COL6A3: variants seen among roughly 807,000 people sequenced by gnomAD.
The protein encoded by COL6A3 is collagen type VI alpha 3 chain, also known as collagen alpha-3(VI) chain.
A neutral mutation model predicts 274.1 loss-of-function variants in COL6A3; 137 were observed. That is an observed-to-expected ratio of 0.50 (90% CI 0.44 to 0.58). COL6A3 has a LOEUF of 0.58. Ranked by LOEUF, COL6A3 falls within the 20% of genes least tolerant of loss-of-function variation. The pLI is 0.00. For missense variants in COL6A3, 3,950 were observed against 4,124.9 expected, an observed-to-expected ratio of 0.96 and a Z score of 1.16; for synonymous variants, 1,650 against 1,650.6, an observed-to-expected ratio of 1.00 and a Z score of 0.01.
At position 237,361,122 on chromosome 2, in the gene COL6A3, G is replaced by A. The variant is rs767660192; in HGVS notation, c.6209C>T (p.Pro2070Leu). The A allele has an allele frequency of 6.2e-7, 1 of 1,613,870 alleles. No homozygotes were observed. The highest frequency in any genetic ancestry group is 8.5e-7 in the Non-Finnish European group (1 of 1,179,826). ...GGGACTAAAACAATTTTTACTTACG[G>A]GTCCACCCTCATCACCAGGATAGCC... ...YRGYPGDEGG[P>L]GERGPPGVNG... is the part of the protein sequence containing the mutation. Residue 2070 changes from proline to leucine, a missense_variant and splice_region_variant, in exon 16 of 44, where the codon CCC becomes CTC. Coordinates refer to ENST00000295550, the MANE Select transcript of COL6A3 (RefSeq NM_004369.4). The surrounding 1 kb of genome is among the most constrained non-coding windows in gnomAD (Gnocchi z 5.1).
intron 26 of COL6A3, among the ~76,000 whole-genome samples, chr2:237,351,981 C>T (rs921884654): frequency 5.3e-5 from 8 of 152,180 alleles, no homozygotes; most frequent in Middle Eastern, 3.2e-3. Flanking sequence ...GAGGGAAACC[C>T]GAATACGTAA....
In COL6A3 at chr2:237,363,550, T is replaced by G. The variant is rs2077484985; in HGVS notation, c.5918-152A>C. 3.5e-6 allele frequency: 3 copies of G among 857,324 alleles called. No homozygotes were observed. The African/African-American group carries it at 5.1e-5, about 15-fold the overall frequency. 53.1% of individuals were successfully genotyped at this position (857,324 alleles called of 1,614,324 possible). On this transcript the variant is annotated intron_variant, in intron 13 of 43. Transcript: ENST00000295550. ...ATCAAGTTTACTGGCTACTCTGAAT[T>G]GTTGAAATACTCAAACTTTGGACTC...
chr2:237,381,700 C>T (rs181855465), intron 4 of COL6A3, among the ~76,000 whole-genome samples: 1 of 152,344 alleles, frequency 6.6e-6, no homozygotes, highest in African/African-American at 2.4e-5. Flanking sequence ...AAAGCTGGCT[C>T]ACCTTCCACC....
Position 237,333,654 on chromosome 2 carries a change from T to C in COL6A3, c.9230-106A>G, listed in dbSNP as rs568227572. ...TGCCTGCTGTGATTAATGTCTTATG[T>C]TGGGGAGTGGTGATTGAAAGACACA... On this transcript the variant is annotated intron_variant, in intron 41 of 43. Transcript: ENST00000295550. 18 of 935,432 alleles carry C rather than the reference T, an allele frequency of 1.9e-5. No individual in the cohort carries two copies. The Admixed American group carries it at 3.2e-4, about 16-fold the overall frequency. 57.9% of individuals were successfully genotyped at this position (935,432 alleles called of 1,614,324 possible).
In COL6A3 at chr2:237,334,656, T is replaced by C. The variant is rs759402998; in HGVS notation, c.9199A>G (p.Arg3067Gly). ...AVVCYLRSQV[R>G]ATYHGSFSTK... ...CTGAAACTTCCGTGGTAGGTGGCTCTGACCTGAGACCTCAGGTAGCAGACC... is the reference window on the plus strand; with the variant it reads ...CTGAAACTTCCGTGGTAGGTGGCTCCGACCTGAGACCTCAGGTAGCAGACC... The change falls in exon 41 of 44, where the codon AGA becomes GGA. Residue 3067 changes from arginine (R) to glycine (G), a missense_variant. By Grantham distance (125) the Arg-to-Gly change is moderately radical. Coordinates refer to ENST00000295550, the MANE Select transcript of COL6A3 (RefSeq NM_004369.4). 1.1e-5 allele frequency: 17 copies of C among 1,613,674 alleles called. No homozygotes were observed. In the South Asian group the frequency reaches 1.9e-4, roughly 18 times the overall value.
Position 237,367,326 on chromosome 2 carries a change from T to G in COL6A3, c.4901-40A>C, listed in dbSNP as rs567274221. 9.4e-6 allele frequency: 15 copies of G among 1,591,134 alleles called. No homozygotes were observed. In the East Asian group the frequency reaches 2.7e-4, roughly 28 times the overall value. ...AGTGAAAATAAGGAGAGATTAGGTT[T>G]CCAGACCCAGAACATAAATACACAA... is the stretch of plus-strand genomic sequence containing the variant. On this transcript the variant is annotated intron_variant, in intron 10 of 43. Coordinates refer to ENST00000295550, the MANE Select transcript of COL6A3 (RefSeq NM_004369.4).
rs772362589 is a variant in COL6A3, at chr2:237,394,609, C to T, written c.687G>A (p.Thr229=). The T allele has an allele frequency of 6.8e-6, 11 of 1,614,112 alleles. No individual in the cohort carries two copies. Among genetic ancestry groups the T allele is most frequent in the African/African-American group, 1.3e-5 (1 of 75,048 alleles). ...SSVSPERAGD[T]ETLKDITAQD... Reference sequence around the variant, plus strand: ...TACCTGTGATGTCTTTAAGGGTTTCCGTGTCCCCAGCCCTTTCTGGACTCA... The same window carrying T: ...TACCTGTGATGTCTTTAAGGGTTTCTGTGTCCCCAGCCCTTTCTGGACTCA... Residue 229 remains threonine, a synonymous_variant, in exon 3 of 44, where the codon ACG becomes ACA. Coordinates refer to ENST00000295550, the MANE Select transcript of COL6A3 (RefSeq NM_004369.4).
At chr2:237,408,861 G>A (rs767444300) in intron 1 of COL6A3, among the ~76,000 whole-genome samples, 4 of 152,186 alleles carry the variant, frequency 2.6e-5, no homozygotes, top group South Asian at 2.1e-4. Flanking sequence ...AGAACTTTTC[G>A]TATTTGTTTT....
At chr2:237,341,966 A>G in intron 37 of COL6A3, 99 bp downstream of exon 37, 2 of 1,008,102 alleles carry the variant, frequency 2.0e-6, no homozygotes, top group South Asian at 2.7e-5. Flanking sequence ...ATTGAACTCA[A>G]GCTCTTTTTA....
intron 3 of COL6A3, 87 bp downstream of exon 3, chr2:237,394,499 TC>T (rs1442582348): frequency 6.4e-7 from 1 of 1,561,316 alleles, no homozygotes; most frequent in Non-Finnish European, 8.8e-7. Context: ...CCACCCGCCA[TC>T]CTAGCTGTTG....
chr2:237,346,479 G>T, intron 32 of COL6A3, 24 bp downstream of exon 32: 1 of 1,612,020 alleles, frequency 6.2e-7, no homozygotes, highest in South Asian at 1.1e-5. Context: ...CAGGTGGCCG[G>T]GTCAGAACTG....
chr2:237,377,068 C>T lies in COL6A3; in HGVS notation c.2774G>A (p.Arg925Lys), dbSNP rs372127270. 1 of 1,614,212 alleles carries T rather than the reference C, an allele frequency of 6.2e-7. No homozygotes were observed. The highest frequency in any genetic ancestry group is 8.5e-7 in the Non-Finnish European group (1 of 1,180,042). ...NLGYALDYAQ[R>K]YIFVKSAGSR... is the part of the protein sequence containing the mutation. ...GCCAGCAGACTTCACAAAAATGTAC[C>T]TCTGTGCATAGTCCAGCGCGTAGCC... The change falls in exon 7 of 44, where the codon AGG becomes AAG. Residue 925 changes from arginine to lysine, a missense_variant. Physicochemically the swap from Arg to Lys is conservative, Grantham distance 26. Transcript: ENST00000295550.
At chr2:237,352,951 G>A (rs971376400) in intron 25 of COL6A3, among the ~76,000 whole-genome samples, 1 of 152,204 alleles carries the variant, frequency 6.6e-6, no homozygotes, top group Non-Finnish European at 1.5e-5. Flanking sequence ...ATCATGTAAA[G>A]GAATGAAGTG....
chr2:237,387,168 G>C lies in COL6A3; in HGVS notation c.1312+414C>G, dbSNP rs1302774323. ...GCTTTTGGAAAGATACTCTGTCTAT[G>C]AGCACACTTCTAACACTGACTTTTA... On this transcript the variant is annotated intron_variant, in intron 4 of 43. Transcript: ENST00000295550. Among the ~76,000 whole-genome samples, 5 of 152,284 alleles carry C rather than the reference G, an allele frequency of 3.3e-5. No homozygotes were observed. In the East Asian group the frequency reaches 9.6e-4, roughly 29 times the overall value.
chr2:237,346,301 C>T (rs1414988088), intron 32 of COL6A3, among the ~76,000 whole-genome samples: 6 of 152,292 alleles, frequency 3.9e-5, no homozygotes, highest in Non-Finnish European at 5.9e-5. Context: ...TCCCATGAAA[C>T]CTATTTTTTT....
At position 237,334,572 on chromosome 2, in the gene COL6A3, A is replaced by G. The variant is rs145935323; in HGVS notation, c.9229+54T>C. On this transcript the variant is annotated intron_variant, in intron 41 of 43. Coordinates refer to ENST00000295550, the MANE Select transcript of COL6A3 (RefSeq NM_004369.4). ...TAAGTAAGTGTCTCCTTTGTGTCCT[A>G]TTTGATACTCTACATAGAAATCAGG... 1.2e-4 allele frequency: 186 copies of G among 1,587,618 alleles called. 1 individual carries two copies. In the African/African-American group the frequency reaches 2.2e-3, roughly 19 times the overall value.
At position 237,366,817 on chromosome 2, in the gene COL6A3, C is replaced by T. The variant is rs775654736; in HGVS notation, c.5370G>A (p.Ala1790=). The change falls in exon 11 of 44, where the codon GCG becomes GCA. Residue 1790 remains alanine (A), a synonymous_variant. Transcript: ENST00000295550. Reference sequence around the variant, plus strand: ...CGCGGAACGCTGTGGCGCTGTTGGACGCTATCTTTCCAACCTCCTCCGAGT... The same window carrying T: ...CGCGGAACGCTGTGGCGCTGTTGGATGCTATCTTTCCAACCTCCTCCGAGT... ...NIDSEEVGKI[A]SNSATAFRVG... is the part of the protein sequence containing the mutation. 1.4e-5 allele frequency: 23 copies of T among 1,614,132 alleles called. No individual in the cohort carries two copies. Among genetic ancestry groups the T allele is most frequent in the East Asian group, 1.3e-4 (6 of 44,900 alleles).
intron 38 of COL6A3, among the ~76,000 whole-genome samples, chr2:237,339,892 G>T (rs2076946755): frequency 6.6e-6 from 1 of 152,150 alleles, no homozygotes; most frequent in Non-Finnish European, 1.5e-5. Flanking sequence ...GGGAGCAGCA[G>T]CTTCCACGGC....
chr2:237,396,379 T>G (rs1450649304), intron 2 of COL6A3, among the ~76,000 whole-genome samples: 1 of 152,216 alleles, frequency 6.6e-6, no homozygotes, highest in Non-Finnish European at 1.5e-5. Context: ...CTCCCTACTT[T>G]ATGTGCTCAG....
Sources: gnomAD v4.1 joint callset for allele counts (sites outside exome capture counted in the v4.1 genomes callset) on GRCh38, gnomAD v4.1.1 for gene constraint, Gnocchi (gnomAD v3.1) non-coding constraint, MANE v1.5 for transcripts, NCBI Gene and HGNC (gene_info 2026-07-23, HGNC 2026-07-21) for gene names.